FBXL13: variants seen among roughly 807,000 people sequenced by gnomAD.
The protein encoded by FBXL13 is F-box and leucine rich repeat protein 13.
Under a neutral mutation model 83.6 loss-of-function variants are expected in FBXL13, and 67 were observed. The ratio of observed to expected loss-of-function variants is 0.80; its 90% CI spans 0.66 to 0.98. The LOEUF is 0.98. Among genes scored for constraint, FBXL13 ranks in the 50% least tolerant of loss-of-function variants. The probability of loss-of-function intolerance (pLI) is 0.00; values close to 1 mark genes in which losing one functional copy is unlikely to be tolerated. For missense variants in FBXL13, 822 were observed against 866.5 expected, an observed-to-expected ratio of 0.95 and a Z score of 0.64; for synonymous variants, 272 against 299.5, an observed-to-expected ratio of 0.91 and a Z score of 0.95.
At position 103,038,869 on chromosome 7, in the gene FBXL13, A is replaced by G. The variant is rs577233361; in HGVS notation, c.1-9451T>C. ...AAAACCACAAAGATGGGGAGAAACC[A>G]GAGCAGAAAAGCTGAAAATTCCAAA... On this transcript the variant is annotated intron_variant, in intron 2 of 19. Transcript: ENST00000313221. Among the ~76,000 whole-genome samples the G allele has an allele frequency of 2.6e-5, 4 of 152,378 alleles. No individual in the cohort carries two copies. In the East Asian group the frequency reaches 5.8e-4, roughly 22 times the overall value.
chr7:103,010,198 C>T (rs975228436), intron 6 of FBXL13, among the ~76,000 whole-genome samples: 1 of 152,092 alleles, frequency 6.6e-6, no homozygotes, highest in Non-Finnish European at 1.5e-5. Flanking sequence ...ACCCCACCCA[C>T]CCCCGCCACT....
At chr7:102,818,498 A>G (rs528284817) in intron 19 of FBXL13, among the ~76,000 whole-genome samples, 18 of 152,322 alleles carry the variant, frequency 1.2e-4, no homozygotes, top group Admixed American at 9.8e-4. Flanking sequence ...ACTGATAATA[A>G]AAGTCAACAG....
At chr7:102,866,507 T>C (rs1422745719) in intron 16 of FBXL13, among the ~76,000 whole-genome samples, 2 of 152,172 alleles carry the variant, frequency 1.3e-5, no homozygotes, top group Non-Finnish European at 2.9e-5. Context: ...TTTTTGAAAA[T>C]CCACGGCAAA....
chr7:103,017,280 A>T (rs1464537407), intron 6 of FBXL13, among the ~76,000 whole-genome samples: 1 of 150,920 alleles, frequency 6.6e-6, no homozygotes, highest in African/African-American at 2.5e-5. Flanking sequence ...TGTCAGAAGG[A>T]AAATTAACAA....
chr7:102,905,216 G>A (rs913925243), intron 11 of FBXL13, among the ~76,000 whole-genome samples: 6 of 152,174 alleles, frequency 3.9e-5, no homozygotes, highest in Non-Finnish European at 5.9e-5. Context: ...GGGTGTTGAA[G>A]TTTCCAGCTA....
chr7:102,907,641 G>A (rs1813969959), intron 11 of FBXL13, among the ~76,000 whole-genome samples: 1 of 152,088 alleles, frequency 6.6e-6, no homozygotes, highest in African/African-American at 2.4e-5. Context: ...CCCTACAAAG[G>A]ACATGAACTC....
At chr7:102,927,339 C>T (rs1280410572) in intron 9 of FBXL13, among the ~76,000 whole-genome samples, 1 of 152,180 alleles carries the variant, frequency 6.6e-6, no homozygotes, top group East Asian at 1.9e-4. Flanking sequence ...CTGCAGGTAT[C>T]TATCTGTCTG....
intron 1 of FBXL13, among the ~76,000 whole-genome samples, chr7:103,070,548 C>T (rs780395910): frequency 1.4e-4 from 22 of 152,160 alleles, no homozygotes; most frequent in Non-Finnish European, 2.8e-4. Context: ...GTGTGTTGAT[C>T]CATTTTGCAC....
At chr7:103,049,649 C>T (rs981006333) in intron 2 of FBXL13, among the ~76,000 whole-genome samples, 4 of 152,160 alleles carry the variant, frequency 2.6e-5, no homozygotes, top group Non-Finnish European at 5.9e-5. Flanking sequence ...ATCTCTGGTG[C>T]CTCCTGTTTT....
At chr7:103,019,308 G>A (rs1792815146) in intron 6 of FBXL13, among the ~76,000 whole-genome samples, 1 of 152,100 alleles carries the variant, frequency 6.6e-6, no homozygotes, top group Admixed American at 6.5e-5. Context: ...GGAATGTCTG[G>A]GACACATTTA....
intron 6 of FBXL13, among the ~76,000 whole-genome samples, chr7:102,989,716 T>C (rs1829364100): frequency 6.6e-6 from 1 of 152,218 alleles, no homozygotes; most frequent in African/African-American, 2.4e-5. Context: ...TCTTAAGTCA[T>C]AGTCTCCTAT....
chr7:102,881,452 A>AG lies in FBXL13; in HGVS notation c.1388+1852_1388+1853insC, dbSNP rs1410673785. 2.2e-4 allele frequency among the ~76,000 whole-genome samples: 33 copies of AG among 151,874 alleles called. No individual in the cohort carries two copies. The East Asian group carries it at 4.8e-3, about 22-fold the overall frequency. On this transcript the variant is annotated intron_variant, in intron 14 of 19. Transcript: ENST00000313221. ...ACTCCATCTCAAAAAAAAAAAAAAA[A>AG]AAAAAGAATAATTAACCCGCAGAAG...
At chr7:103,058,457 T>C (rs1797546102) in intron 1 of FBXL13, among the ~76,000 whole-genome samples, 1 of 152,242 alleles carries the variant, frequency 6.6e-6, no homozygotes, top group South Asian at 2.1e-4. Context: ...CAAAAAGGGC[T>C]GAAGCCATCT....
At chr7:102,973,359 C>T in intron 6 of FBXL13, 1 of 661,858 alleles carries the variant, frequency 1.5e-6, no homozygotes. Context: ...AAGACACCTA[C>T]CCTGGCCGGA....
At chr7:102,925,300 C>T (rs915355989) in intron 10 of FBXL13, among the ~76,000 whole-genome samples, 25 of 152,052 alleles carry the variant, frequency 1.6e-4, no homozygotes, top group African/African-American at 4.8e-4. Flanking sequence ...GAGGCTGAGG[C>T]GGGAGGATTG....
intron 17 of FBXL13, among the ~76,000 whole-genome samples, chr7:102,844,289 G>A (rs1429527548): frequency 1.3e-5 from 2 of 152,110 alleles, no homozygotes; most frequent in Admixed American, 6.5e-5. Flanking sequence ...GACGATTATC[G>A]AAGTCTGAAT....
At chr7:102,841,467 C>T (rs1178696933) in intron 17 of FBXL13, among the ~76,000 whole-genome samples, 3 of 152,134 alleles carry the variant, frequency 2.0e-5, no homozygotes, top group Non-Finnish European at 4.4e-5. Context: ...GTGGTTCTTC[C>T]CCAATGGGAG....
intron 8 of FBXL13, among the ~76,000 whole-genome samples, chr7:102,962,238 C>G (rs1352490850): frequency 6.6e-6 from 1 of 152,008 alleles, no homozygotes; most frequent in East Asian, 1.9e-4. Context: ...TGAAAAAATG[C>G]TCATCATCAC....
chr7:102,970,857 A>G lies in FBXL13; in HGVS notation c.496-2740T>C, dbSNP rs952203741. Reference sequence around the variant, plus strand: ...TGCGACTCAGCTAAGAAGAGAATCAACAAATGAATATGTACCTGAAGAAAT... The same window carrying G: ...TGCGACTCAGCTAAGAAGAGAATCAGCAAATGAATATGTACCTGAAGAAAT... On this transcript the variant is annotated intron_variant, in intron 6 of 19. Transcript: ENST00000313221. Among the ~76,000 whole-genome samples the G allele has an allele frequency of 2.0e-5, 3 of 152,236 alleles. No individual in the cohort carries two copies. In the East Asian group the frequency reaches 5.8e-4, roughly 29 times the overall value.
Sources: allele counts gnomAD v4.1 joint callset (sites outside exome capture counted in the v4.1 genomes callset), GRCh38; gene constraint gnomAD v4.1.1; transcripts MANE v1.5; gene names NCBI Gene and HGNC (gene_info 2026-07-23, HGNC 2026-07-21).